The following CAST variants were observed in gnomAD, a reference collection of about 807,000 sequenced individuals.
CAST encodes MIR583 host.
A neutral mutation model predicts 119.6 loss-of-function variants in CAST; 76 were observed. That is an observed-to-expected ratio of 0.64 (90% confidence interval 0.53 to 0.77). CAST has a LOEUF of 0.77. Among genes scored for constraint, CAST ranks in the 30% least tolerant of loss-of-function variants. The pLI, the probability that CAST is intolerant of heterozygous loss-of-function variation, is 0.00. For synonymous variants in CAST, 319 were observed against 331.6 expected (o/e 0.96, Z 0.41); for missense variants, 953 against 946.5 (o/e 1.01, Z -0.09).
chr5:96,448,989 A>T, the CAST span, among the ~76,000 whole-genome samples: 1 of 152,180 alleles, frequency 6.6e-6, no homozygotes, highest in African/African-American at 2.4e-5. Context: ...GAAAAACAAC[A>T]ATTCTCTGCC....
At chr5:96,264,708 AC>A in the CAST span, among the ~76,000 whole-genome samples, 1 of 152,190 alleles carries the variant, frequency 6.6e-6, no homozygotes, top group African/African-American at 2.4e-5. Flanking sequence ...TCCTCTTTGC[AC>A]CTTCGTGACA....
At chr5:96,474,867 A>C in the CAST span, among the ~76,000 whole-genome samples, 1 of 152,214 alleles carries the variant, frequency 6.6e-6, no homozygotes, top group Non-Finnish European at 1.5e-5. Context: ...AGATGGTGTC[A>C]ACATGGGGAC....
chr5:96,207,396 C>G, the CAST span, among the ~76,000 whole-genome samples: 17 of 152,044 alleles, frequency 1.1e-4, no homozygotes, highest in Non-Finnish European at 2.2e-4. Flanking sequence ...AAGGGGAATA[C>G]TTCCAGCTTT....
At chr5:96,221,828 G>A in the CAST span, among the ~76,000 whole-genome samples, 384 of 152,170 alleles carry the variant, frequency 2.5e-3, 4 homozygotes, top group Admixed American at 0.016. Context: ...GAACAGAACT[G>A]GAGGTAACAC....
chr5:95,984,478 A>G, the CAST span, among the ~76,000 whole-genome samples: 1 of 151,802 alleles, frequency 6.6e-6, no homozygotes, highest in East Asian at 1.9e-4. Flanking sequence ...GGAATGACTC[A>G]GCCAGACAAG....
At position 96,729,688 on chromosome 5, in the gene CAST, C is replaced by T. The variant is rs1412601281; in HGVS notation, c.512C>T (p.Ala171Val). The change falls in exon 8 of 32, where the codon GCT (alanine) becomes GTT (valine). Residue 171 changes from alanine (A) to valine (V), a missense_variant. By Grantham distance (64) the Ala-to-Val change is moderately conservative. Transcript: ENST00000675179. Reference sequence around the variant, plus strand: ...AATAAAAAAGCAGTTTCCAGATCAGCTGAACAGCAGCCATCAGAGAAATCA... The same window carrying T: ...AATAAAAAAGCAGTTTCCAGATCAGTTGAACAGCAGCCATCAGAGAAATCA... ...AHNKKAVSRS[A>V]EQQPSEKSTE... 3 of 1,576,968 alleles carry T rather than the reference C, an allele frequency of 1.9e-6. No homozygotes were observed. Among genetic ancestry groups the T allele is most frequent in the South Asian group, 1.1e-5 (1 of 90,254 alleles).
the CAST span, among the ~76,000 whole-genome samples, chr5:96,435,676 G>A: frequency 6.5e-4 from 99 of 152,220 alleles, no homozygotes; most frequent in Middle Eastern, 6.8e-3. Context: ...ATAGAAAACC[G>A]GATACTCCAG....
At chr5:96,090,015 G>T in the CAST span, among the ~76,000 whole-genome samples, 1 of 152,108 alleles carries the variant, frequency 6.6e-6, no homozygotes, top group Non-Finnish European at 1.5e-5. Flanking sequence ...TGGTATCCCA[G>T]TGTGCTAATC....
chr5:95,986,299 T>G, the CAST span: 5 of 152,358 alleles, frequency 3.3e-5, no homozygotes, highest in South Asian at 1.0e-3. Context: ...AGTTCCTGAA[T>G]GGAGAGATGA....
At chr5:96,618,072 C>T (rs1448769670) in intron 1 of CAST, among the ~76,000 whole-genome samples, 1 of 152,118 alleles carries the variant, frequency 6.6e-6, no homozygotes, top group Admixed American at 6.6e-5. Flanking sequence ...AGGAGCTTGG[C>T]TTAGAATGGG....
intron 1 of CAST, among the ~76,000 whole-genome samples, chr5:96,634,730 A>G (rs1437030076): frequency 1.3e-5 from 2 of 152,262 alleles, no homozygotes; most frequent in Admixed American, 1.3e-4. Flanking sequence ...GCAAGGATAT[A>G]ATAATCCCTA....
At chr5:96,229,931 G>A in the CAST span, among the ~76,000 whole-genome samples, 1 of 152,080 alleles carries the variant, frequency 6.6e-6, no homozygotes, top group Non-Finnish European at 1.5e-5. Flanking sequence ...TATCCTTGTT[G>A]TCCTTCTCCC....
the CAST span, among the ~76,000 whole-genome samples, chr5:96,227,247 G>T: frequency 1.3e-5 from 2 of 152,330 alleles, no homozygotes; most frequent in South Asian, 4.1e-4. Context: ...TGGAATGTTA[G>T]TTGGACAAAT....
chr5:96,292,421 A>G, the CAST span, among the ~76,000 whole-genome samples: 11 of 152,306 alleles, frequency 7.2e-5, no homozygotes, highest in African/African-American at 2.6e-4. Flanking sequence ...TCTCAACGTT[A>G]TCTGTTGAAT....
chr5:96,462,560 C>T, the CAST span, among the ~76,000 whole-genome samples: 18 of 152,118 alleles, frequency 1.2e-4, 1 homozygote, highest in South Asian at 3.5e-3. Context: ...AATAAATATT[C>T]ATCATCATTA....
the CAST span, among the ~76,000 whole-genome samples, chr5:96,325,372 T>TTCTC: frequency 0.85 from 128,472 of 150,342 alleles, 54,777 homozygotes; most frequent in Non-Finnish European, 0.89. Flanking sequence ...TTTCTTTCTT[T>TTCTC]TCTTTCTTCT....
rs561964568 is a variant in CAST, at chr5:96,611,268, C to T, written c.61-64271C>T. Among the ~76,000 whole-genome samples, 4 of 152,040 alleles carry T rather than the reference C, an allele frequency of 2.6e-5. No individual in the cohort carries two copies. The South Asian group carries it at 8.3e-4, about 32-fold the overall frequency. On this transcript the variant is annotated intron_variant, in intron 1 of 11. Transcript: ENST00000505143. ...CTGGTGCAAAAATAGACACATAGACCCATGTAACAGAATGCAGAACCCAGA... is the reference window on the plus strand; with the variant it reads ...CTGGTGCAAAAATAGACACATAGACTCATGTAACAGAATGCAGAACCCAGA...
the CAST span, among the ~76,000 whole-genome samples, chr5:96,388,770 T>C: frequency 6.6e-6 from 1 of 152,332 alleles, no homozygotes; most frequent in Non-Finnish European, 1.5e-5. Context: ...ACTCACAGCA[T>C]GTACATGGTT....
At chr5:96,533,086 A>G (rs923464669) in intron 1 of CAST, among the ~76,000 whole-genome samples, 12 of 152,178 alleles carry the variant, frequency 7.9e-5, no homozygotes, top group African/African-American at 2.4e-4. Context: ...CAAAATAGCA[A>G]CAGTGAGCAC....
Sources: allele counts gnomAD v4.1 joint callset (sites outside exome capture counted in the v4.1 genomes callset), GRCh38; gene constraint gnomAD v4.1.1; transcripts MANE v1.5; gene names NCBI Gene and HGNC (gene_info 2026-07-23, HGNC 2026-07-21).